Variants in BNIP2 observed in about 807,000 individuals in gnomAD.
The protein encoded by BNIP2 is BCL2/adenovirus E1B 19 kDa protein-interacting protein 2.
BNIP2 carries 36 observed loss-of-function variants against 43.4 expected under a neutral mutation model. The observed-to-expected ratio is 0.83, with a 90% CI of 0.64 to 1.10. The LOEUF (loss-of-function observed/expected upper bound fraction) is 1.10, where lower values mean the gene tolerates loss of function less well. Ranked by LOEUF, BNIP2 falls within the 50% of genes least tolerant of loss-of-function variation. The pLI, the probability that BNIP2 is intolerant of heterozygous loss-of-function variation, is 0.00. For missense variants in BNIP2, 417 were observed against 374.1 expected (o/e 1.11, Z -0.95); for synonymous variants, 146 against 121.0 (o/e 1.21, Z -1.35).
rs150616743 is a variant in BNIP2 at position 59,668,355 on chromosome 15, T to C, written c.893+537A>G. Reference sequence around the variant, plus strand: ...AGCAGAACAAAGAAACTTTTCCACATGCATTGTAATACTCAGTTATTTATG... The same window carrying C: ...AGCAGAACAAAGAAACTTTTCCACACGCATTGTAATACTCAGTTATTTATG... On this transcript the variant is annotated intron_variant, in intron 9 of 9. Coordinates refer to ENST00000607373, the MANE Select transcript of BNIP2 (RefSeq NM_004330.4). 2.1e-3 allele frequency among the ~76,000 whole-genome samples: 323 copies of C among 152,306 alleles called. 2 individuals are homozygous for C. Among genetic ancestry groups the C allele is most frequent in the East Asian group, 4.8e-3 (25 of 5,190 alleles).
In BNIP2 at chr15:59,669,087, C is replaced by T; in HGVS notation, c.795-97G>A. ...CAAAAATCATGTCATTTTGAATGTT[C>T]AAAACACAAAAAGATGATAAATGTC... On this transcript the variant is annotated intron_variant, in intron 8 of 9. Transcript: ENST00000607373. The T allele has an allele frequency of 4.1e-6, 5 of 1,206,280 alleles. No individual in the cohort carries two copies. The South Asian group carries it at 6.9e-5, about 17-fold the overall frequency. The allele number at this position is 1,206,280 out of a possible 1,614,324, so 74.7% of individuals were successfully genotyped here. A position where few individuals can be genotyped will look rare whatever the true frequency, so the allele number is the denominator to read the frequency against.
chr15:59,667,768 G>A (rs138686544), intron 9 of BNIP2, among the ~76,000 whole-genome samples: 141 of 152,318 alleles, frequency 9.3e-4, no homozygotes, highest in African/African-American at 3.3e-3. Context: ...AAAGAAAATG[G>A]TGAAACAGAT....
In BNIP2 at chr15:59,674,052, T is replaced by C. The variant is rs182793503; in HGVS notation, c.473-1313A>G. On this transcript the variant is annotated intron_variant, in intron 5 of 9. Transcript: ENST00000607373. ...TTGCAGTGAGTCGAGACTGCACCAC[T>C]GCACTCCAGCCTGGGCAACAGAGCA... is the stretch of plus-strand genomic sequence containing the variant. 6.5e-3 allele frequency among the ~76,000 whole-genome samples: 898 copies of C among 137,248 alleles called. 15 individuals are homozygous for C. Among genetic ancestry groups the C allele is most frequent in the African/African-American group, 0.022 (830 of 37,272 alleles). 90.0% of individuals were successfully genotyped at this position (137,248 alleles called of 152,430 possible).
At position 59,663,472 on chromosome 15, in the gene BNIP2, C is replaced by T. The variant is rs1435763938; in HGVS notation, c.*597G>A. On this transcript the variant is annotated 3_prime_UTR_variant, in exon 10 of 10. Transcript: ENST00000607373. ...CAAATATGTTAAATGAGAAAAAAAC[C>T]TTGGGATGGTACTAATACACTTCGA... The T allele has an allele frequency of 3.3e-5, 5 of 152,554 alleles. No homozygotes were observed. The highest frequency in any genetic ancestry group is 1.2e-4 in the African/African-American group (5 of 41,414). 9.5% of individuals were successfully genotyped at this position (152,554 alleles called of 1,614,324 possible).
intron 7 of BNIP2, among the ~76,000 whole-genome samples, chr15:59,670,724 C>T (rs6151551): frequency 0.58 from 88,840 of 151,984 alleles, 26,621 homozygotes; most frequent in Middle Eastern, 0.67. Context: ...CTTTAGAAAA[C>T]AGAAACCTGC....
chr15:59,682,134 C>G lies in BNIP2; in HGVS notation c.50+274G>C, dbSNP rs538495464. Among the ~76,000 whole-genome samples the G allele has an allele frequency of 2.0e-5, 3 of 152,172 alleles. No individual in the cohort carries two copies. The South Asian group carries it at 6.2e-4, about 32-fold the overall frequency. ...ACGAGGTCAGGAGTTTGAGACCAGC[C>G]TGGCCAATATGGTGAAACACCGTCT... is the stretch of plus-strand genomic sequence containing the variant. On this transcript the variant is annotated intron_variant, in intron 2 of 9. Coordinates refer to ENST00000607373, the MANE Select transcript of BNIP2 (RefSeq NM_004330.4).
At chr15:59,675,227 T>G (rs1595697295) in intron 5 of BNIP2, among the ~76,000 whole-genome samples, 2 of 143,792 alleles carry the variant, frequency 1.4e-5, no homozygotes, top group South Asian at 2.2e-4. Context: ...CCAGCCTGGG[T>G]GACAGAATGA....
intron 5 of BNIP2, 91 bp from the exon 6 acceptor site, chr15:59,672,830 A>G: frequency 1.1e-6 from 1 of 874,192 alleles, no homozygotes; most frequent in Non-Finnish European, 1.8e-6. Context: ...ATTATAAATA[A>G]GAGTTTACTT....
intron 5 of BNIP2, among the ~76,000 whole-genome samples, chr15:59,674,230 C>T (rs1300341243): frequency 6.6e-6 from 1 of 151,878 alleles, no homozygotes; most frequent in Non-Finnish European, 1.5e-5. Flanking sequence ...GTAGCAAATA[C>T]TTCTGCTTTA....
intron 9 of BNIP2, among the ~76,000 whole-genome samples, chr15:59,666,859 G>T (rs1892598808): frequency 6.6e-6 from 1 of 151,646 alleles, no homozygotes. Flanking sequence ...ATAGTGACAG[G>T]TTTCAAACAA....
At position 59,659,369 on chromosome 15, in the gene BNIP2, A is replaced by G. The variant is rs1462051088; in HGVS notation, c.*4700T>C. On this transcript the variant is annotated 3_prime_UTR_variant, in exon 10 of 10. Coordinates refer to ENST00000607373, the MANE Select transcript of BNIP2 (RefSeq NM_004330.4). ...TACTCGGCTGGGCAACATCATCTTA[A>G]GAGTAGGAAAATATCACAGTACATT... The G allele has an allele frequency of 6.6e-6, 1 of 152,230 alleles. No individual in the cohort carries two copies. Among genetic ancestry groups the G allele is most frequent in the Non-Finnish European group, 1.5e-5 (1 of 68,044 alleles). The allele number at this position is 152,230 out of a possible 1,614,324, so 9.4% of individuals were successfully genotyped here.
chr15:59,686,048 T>G lies in BNIP2; in HGVS notation c.-58+3087A>C, dbSNP rs77033038. On this transcript the variant is annotated intron_variant, in intron 1 of 9. Coordinates refer to ENST00000607373, the MANE Select transcript of BNIP2 (RefSeq NM_004330.4). ...TAACTTGATTTCTCAATAGATTGACTCTTGGTAGTGGTGGCACATCCTTAT... is the reference window on the plus strand; with the variant it reads ...TAACTTGATTTCTCAATAGATTGACGCTTGGTAGTGGTGGCACATCCTTAT... Among the ~76,000 whole-genome samples the G allele has an allele frequency of 7.4e-3, 1,131 of 152,306 alleles. 21 individuals are homozygous for G. The highest frequency in any genetic ancestry group is 0.026 in the African/African-American group (1,085 of 41,558).
At chr15:59,671,416 A>G (rs1566961712) in intron 6 of BNIP2, 102 bp from the exon 7 acceptor site, 2 of 978,908 alleles carry the variant, frequency 2.0e-6, no homozygotes, top group Non-Finnish European at 2.9e-6. Flanking sequence ...CTCTCCTACA[A>G]TGAGAGCAAC....
In BNIP2 at chr15:59,671,300, G is replaced by C. The variant is rs1892894102; in HGVS notation, c.590C>G (p.Thr197Ser). The C allele has an allele frequency of 1.9e-6, 3 of 1,589,486 alleles. No homozygotes were observed. Among genetic ancestry groups the C allele is most frequent in the Non-Finnish European group, 2.6e-6 (3 of 1,166,492 alleles). ...GTTTTCTGCTACTAATAGCTCCAAA[G>C]TGCCAATAACATATCTGTAAAAAAC... ...MDNLFKYVIGTLELLVAENYM... is the reference protein window; with the variant it reads ...MDNLFKYVIGSLELLVAENYM... The change falls in exon 7 of 10, where the codon ACT becomes AGT. Residue 197 changes from threonine (T) to serine (S), a missense_variant. By Grantham distance (58) the Thr-to-Ser change is moderately conservative (BLOSUM62 1). Transcript: ENST00000607373.
intron 5 of BNIP2, among the ~76,000 whole-genome samples, chr15:59,675,006 T>C (rs1280508471): frequency 6.6e-6 from 1 of 152,004 alleles, no homozygotes; most frequent in Non-Finnish European, 1.5e-5. Flanking sequence ...ATCCCAGCAC[T>C]TTGGGAGGCT....
At chr15:59,679,028 A>C (rs1893485686) in intron 4 of BNIP2, among the ~76,000 whole-genome samples, 1 of 152,318 alleles carries the variant, frequency 6.6e-6, no homozygotes, top group Admixed American at 6.5e-5. Flanking sequence ...ATGAAAACAA[A>C]ATCATTTTCA....
chr15:59,678,734 A>G, intron 4 of BNIP2: 1 of 1,281,040 alleles, frequency 7.8e-7, no homozygotes, highest in East Asian at 5.7e-5. Flanking sequence ...AAATTTCAGT[A>G]TTATAGTCCT....
chr15:59,665,032 T>G (rs1318004946), intron 9 of BNIP2, among the ~76,000 whole-genome samples: 1 of 151,828 alleles, frequency 6.6e-6, no homozygotes, highest in Non-Finnish European at 1.5e-5. Flanking sequence ...TTGGGAGGCC[T>G]AGGCGGGTGG....
At position 59,663,922 on chromosome 15, in the gene BNIP2, G is replaced by C. The variant is rs529168508; in HGVS notation, c.*147C>G. ...CCAGTACAGCAGTGAACAGTCCCTT[G>C]TATAATACAAAAGTCCATTATGAAA... is the stretch of plus-strand genomic sequence containing the variant. On this transcript the variant is annotated 3_prime_UTR_variant, in exon 10 of 10. Coordinates refer to ENST00000607373, the MANE Select transcript of BNIP2 (RefSeq NM_004330.4). 9.8e-6 allele frequency: 6 copies of C among 610,602 alleles called. No individual in the cohort carries two copies. Among genetic ancestry groups the C allele is most frequent in the Non-Finnish European group, 1.6e-5 (6 of 368,530 alleles). The allele number at this position is 610,602 out of a possible 1,614,324, so 37.8% of individuals were successfully genotyped here.
Sources: allele counts gnomAD v4.1 joint callset (sites outside exome capture counted in the v4.1 genomes callset), GRCh38; gene constraint gnomAD v4.1.1; transcripts MANE v1.5; gene names NCBI Gene and HGNC (gene_info 2026-07-23, HGNC 2026-07-21).